Variants in ANKS1B observed in about 807,000 individuals in gnomAD.
The protein encoded by ANKS1B is ankyrin repeat and sterile alpha motif domain-containing protein 1B.
Under a neutral mutation model 148.3 loss-of-function variants are expected in ANKS1B, and 36 were observed. The ratio of observed to expected loss-of-function variants is 0.24; its 90% CI spans 0.19 to 0.32. ANKS1B has a LOEUF of 0.32. ANKS1B is among the 10% of genes least tolerant of loss of function. The pLI, the probability that ANKS1B is intolerant of heterozygous loss-of-function variation, is 1.00. For synonymous variants in ANKS1B, 542 were observed against 560.8 expected (o/e 0.97, Z 0.47); for missense variants, 1,157 against 1,542.6 (o/e 0.75, Z 4.19).
intron 12 of ANKS1B, among the ~76,000 whole-genome samples, chr12:99,350,010 T>A (rs1287251762): frequency 6.6e-6 from 1 of 152,054 alleles, no homozygotes; most frequent in Non-Finnish European, 1.5e-5. Flanking sequence ...TGGATCTGTG[T>A]CCCCACGGAA....
At chr12:99,765,369 C>T (rs950291949) in intron 8 of ANKS1B, among the ~76,000 whole-genome samples, 2 of 152,140 alleles carry the variant, frequency 1.3e-5, no homozygotes, top group African/African-American at 4.8e-5. Flanking sequence ...TTAGTAGCTA[C>T]ATCTCACTGC....
chr12:99,064,486 G>A (rs1006050718), intron 16 of ANKS1B, among the ~76,000 whole-genome samples: 4 of 152,200 alleles, frequency 2.6e-5, no homozygotes, highest in African/African-American at 9.7e-5. Flanking sequence ...CACGCCCTCT[G>A]GACAAAGGCA....
At chr12:98,839,709 T>C (rs926615035) in intron 17 of ANKS1B, among the ~76,000 whole-genome samples, 3 of 152,200 alleles carry the variant, frequency 2.0e-5, no homozygotes, top group Non-Finnish European at 4.4e-5. Context: ...TCCTGTTATT[T>C]CTTTGCTCCA....
chr12:99,142,316 G>T (rs1333535831), intron 15 of ANKS1B, among the ~76,000 whole-genome samples: 1 of 152,072 alleles, frequency 6.6e-6, no homozygotes, highest in Non-Finnish European at 1.5e-5. Context: ...GAGTTTATTG[G>T]TTGCCATTTA....
At chr12:99,045,159 T>C (rs1450781014) in intron 17 of ANKS1B, among the ~76,000 whole-genome samples, 1 of 152,246 alleles carries the variant, frequency 6.6e-6, no homozygotes, top group Admixed American at 6.5e-5. Flanking sequence ...GAAAACTGAC[T>C]GTAATCTACT....
intron 16 of ANKS1B, among the ~76,000 whole-genome samples, chr12:99,059,972 C>T (rs558985546): frequency 2.0e-3 from 302 of 152,086 alleles, no homozygotes; most frequent in Non-Finnish European, 3.5e-3. Flanking sequence ...ACAGCTCCAT[C>T]GGCCTGCCAG....
intron 22 of ANKS1B, among the ~76,000 whole-genome samples, chr12:98,797,918 T>C (rs1218635806): frequency 6.6e-6 from 1 of 152,220 alleles, no homozygotes; most frequent in East Asian, 1.9e-4. Context: ...TTTAGTTAGA[T>C]GCTATATTGA....
rs548547861 is a variant in ANKS1B at position 99,768,374 on chromosome 12, T to C, written c.1128+4548A>G. 9.8e-5 allele frequency among the ~76,000 whole-genome samples: 15 copies of C among 152,290 alleles called. No individual in the cohort carries two copies. In the East Asian group the frequency reaches 2.7e-3, roughly 27 times the overall value. On this transcript the variant is annotated intron_variant, in intron 8 of 26. Coordinates refer to ENST00000683438, the MANE Select transcript of ANKS1B (RefSeq NM_001352186.2). ...GTTTGACTGCAGTTTGGATTTTCCT[T>C]GATGATAAACTGAAAGCCTCCTTGC...
intron 16 of ANKS1B, among the ~76,000 whole-genome samples, chr12:99,073,803 C>A (rs2047002875): frequency 6.6e-6 from 1 of 152,124 alleles, no homozygotes; most frequent in Non-Finnish European, 1.5e-5. Context: ...CAGTTTCTTT[C>A]ACAAACACAC....
At chr12:98,877,483 C>G (rs145845800) in intron 17 of ANKS1B, among the ~76,000 whole-genome samples, 1 of 152,192 alleles carries the variant, frequency 6.6e-6, no homozygotes, top group Non-Finnish European at 1.5e-5. Flanking sequence ...TGAAAACTAA[C>G]GGCGGAAGAA....
Position 99,648,877 on chromosome 12 carries a change from C to T in ANKS1B, c.1272+6190G>A, listed in dbSNP as rs895005639. On this transcript the variant is annotated intron_variant, in intron 9 of 26. Coordinates refer to ENST00000683438, the MANE Select transcript of ANKS1B (RefSeq NM_001352186.2). ...GTAAAGCCTTTGGTGCTGCAGCTCA[C>T]CTGGGAAATGCATTGCATTTGGAAG... is the stretch of plus-strand genomic sequence containing the variant. 4 of 1,466,006 alleles carry T rather than the reference C, an allele frequency of 2.7e-6. No individual in the cohort carries two copies. The Admixed American group carries it at 1.1e-4, about 39-fold the overall frequency. The allele number at this position is 1,466,006 out of a possible 1,614,324, so 90.8% of individuals were successfully genotyped here. A position where few individuals can be genotyped will look rare whatever the true frequency, so the allele number is the denominator to read the frequency against.
At chr12:98,861,566 T>G (rs534303229) in intron 17 of ANKS1B, among the ~76,000 whole-genome samples, 1 of 152,150 alleles carries the variant, frequency 6.6e-6, no homozygotes, top group Non-Finnish European at 1.5e-5. Flanking sequence ...TTAACAATGT[T>G]TGAAGAAAAA....
chr12:99,546,600 A>T (rs2097174683), intron 9 of ANKS1B, among the ~76,000 whole-genome samples: 1 of 152,126 alleles, frequency 6.6e-6, no homozygotes, highest in Non-Finnish European at 1.5e-5. Flanking sequence ...CAATCAATCC[A>T]TGCTGGTGTC....
intron 8 of ANKS1B, among the ~76,000 whole-genome samples, chr12:99,656,080 T>C (rs2153446790): frequency 6.6e-6 from 1 of 152,222 alleles, no homozygotes; most frequent in South Asian, 2.1e-4. Context: ...TGGCAAGAAA[T>C]TAGAGGTTTA....
At chr12:98,764,553 A>G (rs1279432743) in intron 25 of ANKS1B, among the ~76,000 whole-genome samples, 2 of 152,202 alleles carry the variant, frequency 1.3e-5, no homozygotes, top group Non-Finnish European at 2.9e-5. Context: ...GAGGCATTGG[A>G]CATGGGTCAC....
rs1425173847 is a variant in ANKS1B, at chr12:99,516,871, A to G, written c.1273-12230T>C. On this transcript the variant is annotated intron_variant, in intron 9 of 26. Transcript: ENST00000683438. ...GTTCTCTATTCTATTCCATTGGTCAATATGCCTGTTCTTATGCAGTACTAT... is the reference window on the plus strand; with the variant it reads ...GTTCTCTATTCTATTCCATTGGTCAGTATGCCTGTTCTTATGCAGTACTAT... Among the ~76,000 whole-genome samples the G allele has an allele frequency of 5.9e-5, 9 of 152,202 alleles. No homozygotes were observed. In the East Asian group the frequency reaches 1.5e-3, roughly 26 times the overall value.
intron 9 of ANKS1B, among the ~76,000 whole-genome samples, chr12:99,564,339 C>T (rs919369049): frequency 5.0e-4 from 76 of 151,644 alleles, no homozygotes; most frequent in Admixed American, 1.7e-3. Context: ...ATTGTATAGA[C>T]GCATACGTGC....
chr12:99,239,934 G>T (rs2153963595), intron 14 of ANKS1B, among the ~76,000 whole-genome samples: 1 of 152,168 alleles, frequency 6.6e-6, no homozygotes, highest in South Asian at 2.1e-4. Flanking sequence ...ACATGGAAAG[G>T]AACAACCGGT....
chr12:99,941,984 T>A (rs1372588190), intron 1 of ANKS1B, among the ~76,000 whole-genome samples: 1 of 152,094 alleles, frequency 6.6e-6, no homozygotes. Flanking sequence ...CCTGAATTAG[T>A]TGCAAATTCA....
Sources: allele counts gnomAD v4.1 joint callset (sites outside exome capture counted in the v4.1 genomes callset), GRCh38; gene constraint gnomAD v4.1.1; transcripts MANE v1.5; gene names NCBI Gene and HGNC (gene_info 2026-07-23, HGNC 2026-07-21).